Variants in ZNF43 observed in about 807,000 individuals in gnomAD.
The protein encoded by ZNF43 is zinc finger protein 39-like 1 (KOX 27).
A neutral mutation model predicts 68.4 loss-of-function variants in ZNF43; 44 were observed. That is an observed-to-expected ratio of 0.64 (90% CI 0.51 to 0.83). ZNF43 has a LOEUF of 0.83. Among genes scored for constraint, ZNF43 ranks in the 40% least tolerant of loss-of-function variants. The pLI, the probability that ZNF43 is intolerant of heterozygous loss-of-function variation, is 0.00. For synonymous variants in ZNF43, 308 were observed against 307.8 expected, an observed-to-expected ratio of 1.00 and a Z score of -0.01; for missense variants, 896 against 933.2, an observed-to-expected ratio of 0.96 and a Z score of 0.52.
Position 21,808,974 on chromosome 19 carries a change from A to C in ZNF43, c.1063T>G (p.Ser355Ala). 6.2e-7 allele frequency: 1 copy of C among 1,613,636 alleles called. No homozygotes were observed. Among genetic ancestry groups the C allele is most frequent in the Non-Finnish European group, 8.5e-7 (1 of 1,179,882 alleles). ...EECGKAFNQF[S>A]NLTTHKRIHT... ...ATTCTCTTATGTGTAGTAAGGTTTG[A>C]GAACTGGTTAAAGGCTTTGCCACAT... The change falls in exon 4 of 4, where the codon TCA (serine) becomes GCA (alanine). Residue 355 changes from serine to alanine, a missense_variant. Ser to Ala is a moderately conservative substitution (Grantham distance 99). Transcript: ENST00000354959.
chr19:21,807,580 A>C lies in ZNF43; in HGVS notation c.*27T>G, dbSNP rs772733787. The C allele has an allele frequency of 3.3e-6, 5 of 1,505,966 alleles. No individual in the cohort carries two copies. The African/African-American group carries it at 7.0e-5, about 21-fold the overall frequency. The allele number at this position is 1,505,966 out of a possible 1,614,324, so 93.3% of individuals were successfully genotyped here. A position where few individuals can be genotyped will look rare whatever the true frequency, so the allele number is the denominator to read the frequency against. ...GTAAAGCCTTTATCACATTCTTTAC[A>C]TTTCTAGAATTTCTCACCAGTATAA... On this transcript the variant is annotated 3_prime_UTR_variant, in exon 4 of 4. Coordinates refer to ENST00000354959, the MANE Select transcript of ZNF43 (RefSeq NM_003423.4).
Position 21,808,799 on chromosome 19 carries a change from A to C in ZNF43, c.1238T>G (p.Leu413Arg). The C allele has an allele frequency of 6.2e-7, 1 of 1,611,534 alleles. No individual in the cohort carries two copies. The highest frequency in any genetic ancestry group is 8.5e-7 in the Non-Finnish European group (1 of 1,179,572). Residue 413 changes from leucine (L) to arginine (R), a missense_variant, in exon 4 of 4, where the codon CTT (leucine) becomes CGT (arginine). Physicochemically the swap from Leu to Arg is moderately radical, Grantham distance 102. Transcript: ENST00000354959. ...CGKAFKWSSK[L>R]TEHKLTHTGE... ...AGTATGAGTTAACTTATGTTCAGTA[A>C]GCTTTGAGGACCACTTAAAAGCTTT...
chr19:21,831,094 C>T (rs1271447415), intron 1 of ZNF43, among the ~76,000 whole-genome samples: 1 of 152,140 alleles, frequency 6.6e-6, no homozygotes, highest in Admixed American at 6.6e-5. Context: ...ATTAAAGGTA[C>T]ATACTTCAAA....
intron 2 of ZNF43, 24 bp from the exon 3 acceptor site, chr19:21,818,010 C>G (rs374789685): frequency 1.3e-6 from 2 of 1,596,508 alleles, no homozygotes; most frequent in Non-Finnish European, 1.7e-6. Context: ...AAATAAATTA[C>G]GTGAATCTTG....
chr19:21,844,648 A>G (rs924305009), intron 1 of ZNF43, among the ~76,000 whole-genome samples: 1 of 151,762 alleles, frequency 6.6e-6, no homozygotes, highest in African/African-American at 2.4e-5. Context: ...CTGTAATCCC[A>G]GCACTTTGGG....
rs2145128756 is a variant in ZNF43 at position 21,806,167 on chromosome 19, A to G, written c.*1440T>C. Reference sequence around the variant, plus strand: ...CTCTCCAGTTACATTTTCATCACGCATCTTTTTTTTTTTTTTTTTTCTTTT... The same window carrying G: ...CTCTCCAGTTACATTTTCATCACGCGTCTTTTTTTTTTTTTTTTTTCTTTT... On this transcript the variant is annotated 3_prime_UTR_variant, in exon 4 of 4. Transcript: ENST00000354959. The G allele has an allele frequency of 1.2e-5, 1 of 80,104 alleles. No individual in the cohort carries two copies. Among genetic ancestry groups the G allele is most frequent in the African/African-American group, 4.5e-5 (1 of 22,414 alleles). The allele number at this position is 80,104 out of a possible 1,614,324, so 5.0% of individuals were successfully genotyped here.
Position 21,808,993 on chromosome 19 carries a change from G to C in ZNF43, c.1044C>G (p.Gly348=). 3 of 1,613,404 alleles carry C rather than the reference G, an allele frequency of 1.9e-6. No homozygotes were observed. Among genetic ancestry groups the C allele is most frequent in the African/African-American group, 1.3e-5 (1 of 74,914 alleles). ...GEKPYTCEEC[G]KAFNQFSNLT... ...GGTTTGAGAACTGGTTAAAGGCTTT[G>C]CCACATTCTTCACATGTGTAGGGTT... The change falls in exon 4 of 4, where the codon GGC becomes GGG. Residue 348 remains glycine, a synonymous_variant. Transcript: ENST00000354959.
chr19:21,814,426 T>C lies in ZNF43; in HGVS notation c.229+3462A>G, dbSNP rs187416065. On this transcript the variant is annotated intron_variant, in intron 3 of 3. Transcript: ENST00000354959. ...TGATTGATCTCTTTTTTTTTTTTTT[T>C]CTGAGATGGAGTCTTGCTCTGTCGC... Among the ~76,000 whole-genome samples, 333 of 149,518 alleles carry C rather than the reference T, an allele frequency of 2.2e-3. 1 individual carries two copies. The highest frequency in any genetic ancestry group is 7.8e-3 in the African/African-American group (316 of 40,442).
rs1299056591 is a variant in ZNF43 at position 21,805,989 on chromosome 19, C to A, written c.*1618G>T. 1 of 151,906 alleles carries A rather than the reference C, an allele frequency of 6.6e-6. No homozygotes were observed. Among genetic ancestry groups the A allele is most frequent in the African/African-American group, 2.4e-5 (1 of 41,370 alleles). 9.4% of individuals were successfully genotyped at this position (151,906 alleles called of 1,614,324 possible). ...TGTAATCTAAAAATTTAAAAATGTA[C>A]ATTTAATTACATAAAATTACAATAA... On this transcript the variant is annotated 3_prime_UTR_variant, in exon 4 of 4. Transcript: ENST00000354959.
chr19:21,823,997 C>T (rs778130327), intron 1 of ZNF43, among the ~76,000 whole-genome samples: 8 of 152,012 alleles, frequency 5.3e-5, no homozygotes, highest in Non-Finnish European at 7.4e-5. Context: ...CTGGCTAACA[C>T]GGTGAAACCC....
At chr19:21,825,614 A>G (rs1426766881) in intron 1 of ZNF43, among the ~76,000 whole-genome samples, 1 of 149,910 alleles carries the variant, frequency 6.7e-6, no homozygotes, top group African/African-American at 2.5e-5. Flanking sequence ...TTTCACCTAC[A>G]CAGTTTAGGG....
chr19:21,819,993 G>A (rs2037719110), intron 1 of ZNF43, among the ~76,000 whole-genome samples: 1 of 151,470 alleles, frequency 6.6e-6, no homozygotes, highest in African/African-American at 2.4e-5. Context: ...GAGGTCAGGA[G>A]TTTGAGACCA....
chr19:21,821,257 C>G (rs758473414), intron 1 of ZNF43, among the ~76,000 whole-genome samples: 2 of 151,186 alleles, frequency 1.3e-5, no homozygotes, highest in African/African-American at 2.4e-5. Flanking sequence ...GTCATTCTCC[C>G]GCCTCAGCCT....
chr19:21,835,249 C>CAAAAAAAAAA (rs377486360), intron 1 of ZNF43, among the ~76,000 whole-genome samples: 9 of 82,492 alleles, frequency 1.1e-4, no homozygotes, highest in Non-Finnish European at 1.7e-4. Flanking sequence ...AAGTCCATCT[C>CAAAAAAAAAA]AAAAAAAAAA....
rs1247604727 is a variant in ZNF43, at chr19:21,807,875, A to G, written c.2162T>C (p.Leu721Pro). The G allele has an allele frequency of 6.2e-7, 1 of 1,613,202 alleles. No individual in the cohort carries two copies. Among genetic ancestry groups the G allele is most frequent in the South Asian group, 1.1e-5 (1 of 91,046 alleles). ...AGTATGAATTTTCTTATGTTCAATA[A>G]GGTTTGAGGATCGGTTAAAAGCTTT... ...CGKAFNRSSN[L>P]IEHKKIHTGE... Residue 721 changes from leucine to proline, a missense_variant, in exon 4 of 4, where the codon CTT (leucine) becomes CCT (proline). Physicochemically the swap from Leu to Pro is moderately conservative, Grantham distance 98. Coordinates refer to ENST00000354959, the MANE Select transcript of ZNF43 (RefSeq NM_003423.4).
chr19:21,822,855 C>G (rs2145248026), intron 1 of ZNF43, among the ~76,000 whole-genome samples: 1 of 152,040 alleles, frequency 6.6e-6, no homozygotes. Context: ...GGGTTATTTC[C>G]TGTTCGGTTT....
At chr19:21,841,771 C>T (rs560716148) in intron 1 of ZNF43, 1 of 152,360 alleles carries the variant, frequency 6.6e-6, no homozygotes, top group South Asian at 2.1e-4. Context: ...TCCCCTTTTA[C>T]AGGGTTCAGG....
intron 1 of ZNF43, among the ~76,000 whole-genome samples, chr19:21,824,141 G>A (rs2037992349): frequency 6.6e-6 from 1 of 152,106 alleles, no homozygotes; most frequent in Non-Finnish European, 1.5e-5. Context: ...CACCAAGATC[G>A]TGCCACTGCG....
At chr19:21,851,715 G>A (rs1435309354) in intron 1 of ZNF43, among the ~76,000 whole-genome samples, 2 of 152,148 alleles carry the variant, frequency 1.3e-5, no homozygotes, top group African/African-American at 4.8e-5. Flanking sequence ...GCTCCAGACA[G>A]GGTACCGCGC....
Sources: allele counts gnomAD v4.1 joint callset (sites outside exome capture counted in the v4.1 genomes callset), GRCh38; gene constraint gnomAD v4.1.1; transcripts MANE v1.5; gene names NCBI Gene and HGNC (gene_info 2026-07-23, HGNC 2026-07-21).